Variants in CDADC1 observed in about 807,000 individuals in gnomAD.
CDADC1 encodes cytidine and dCMP deaminase domain containing 1, also known as dCTP deaminase.
In CDADC1, 39 loss-of-function variants were observed where a neutral mutation model predicts 54.9. That is an observed-to-expected ratio of 0.71 (90% CI 0.55 to 0.93). CDADC1 has a LOEUF of 0.93. CDADC1 is among the 40% of genes least tolerant of loss of function. The pLI, the probability that CDADC1 is intolerant of heterozygous loss-of-function variation, is 0.00. For synonymous variants in CDADC1, 186 were observed against 204.0 expected, an observed-to-expected ratio of 0.91 and a Z score of 0.75; for missense variants, 518 against 618.8, an observed-to-expected ratio of 0.84 and a Z score of 1.73.
intron 6 of CDADC1, among the ~76,000 whole-genome samples, chr13:49,275,260 A>G (rs578233724): frequency 5.9e-5 from 9 of 151,612 alleles, no homozygotes; most frequent in Middle Eastern, 3.4e-3. Flanking sequence ...TCATTTTTGT[A>G]TTTTTAGTAG....
Position 49,292,302 on chromosome 13 carries a change from T to C in CDADC1, c.*545T>C. ...TCATAAAAATAAAGTTAGTGGACTT[T>C]GTCTCCATTTTTAAAGTATATTTTG... is the stretch of plus-strand genomic sequence containing the variant. On this transcript the variant is annotated 3_prime_UTR_variant, in exon 10 of 10. Coordinates refer to ENST00000251108, the MANE Select transcript of CDADC1 (RefSeq NM_030911.4). 3 of 980,088 alleles carry C rather than the reference T, an allele frequency of 3.1e-6. No individual in the cohort carries two copies. 60.7% of individuals were successfully genotyped at this position (980,088 alleles called of 1,614,324 possible). A position where few individuals can be genotyped will look rare whatever the true frequency, so the allele number is the denominator to read the frequency against.
rs748299879 is a variant in CDADC1 at position 49,280,559 on chromosome 13, GC to G, written c.1274del (p.Pro425HisfsTer8). The part of the protein sequence containing the change: ...EERSMIFVTK[C>X]PCDECVPLIK... Reference sequence around the variant, plus strand: ...AGAAGCATGATTTTTGTGACAAAGTGCCCATGTGATGAGTGTGTACCTTTAA... The same window carrying G: ...AGAAGCATGATTTTTGTGACAAAGTGCCATGTGATGAGTGTGTACCTTTAA... On this transcript the variant is annotated frameshift_variant, in exon 8 of 10. Transcript: ENST00000251108. LOFTEE classifies it high-confidence loss of function. The G allele has an allele frequency of 1.3e-5, 20 of 1,489,792 alleles. No homozygotes were observed. The South Asian group carries it at 2.7e-4, about 20-fold the overall frequency. The allele number at this position is 1,489,792 out of a possible 1,614,324, so 92.3% of individuals were successfully genotyped here.
At chr13:49,255,732 A>G (rs1270836048) in intron 2 of CDADC1, 107 bp from the exon 3 acceptor site, 19 of 1,394,658 alleles carry the variant, frequency 1.4e-5, no homozygotes, top group Non-Finnish European at 1.9e-5. Flanking sequence ...ATCATGGAAA[A>G]AAAAATGGTC....
At position 49,265,683 on chromosome 13, in the gene CDADC1, A is replaced by G. The variant is rs529881725; in HGVS notation, c.431-1807A>G. Among the ~76,000 whole-genome samples the G allele has an allele frequency of 1.4e-4, 21 of 151,288 alleles. No individual in the cohort carries two copies. The South Asian group carries it at 4.4e-3, about 31-fold the overall frequency. ...TTTTTAATGAATTAATAAATATTTT[A>G]AATTTTGTTTTAATTTTCAAGTACA... On this transcript the variant is annotated intron_variant, in intron 4 of 9. Coordinates refer to ENST00000251108, the MANE Select transcript of CDADC1 (RefSeq NM_030911.4).
intron 4 of CDADC1, among the ~76,000 whole-genome samples, chr13:49,262,047 A>G (rs9535179): frequency 0.13 from 19,459 of 152,248 alleles, 1,658 homozygotes; most frequent in East Asian, 0.35. Flanking sequence ...TAGAATTGCT[A>G]TTACCTCAGT....
intron 4 of CDADC1, chr13:49,265,882 T>G: frequency 7.7e-7 from 1 of 1,302,282 alleles, no homozygotes; most frequent in Non-Finnish European, 1.0e-6. Context: ...GAATCAGGAT[T>G]ACTGGAAGCA....
intron 3 of CDADC1, 40 bp downstream of exon 3, chr13:49,255,953 C>G: frequency 6.3e-7 from 1 of 1,590,792 alleles, no homozygotes; most frequent in Non-Finnish European, 8.5e-7. Context: ...CTCATAATAA[C>G]AAAGCAAAAG....
chr13:49,254,589 G>T (rs1449506915), intron 2 of CDADC1, among the ~76,000 whole-genome samples: 2 of 152,048 alleles, frequency 1.3e-5, no homozygotes, highest in Admixed American at 6.6e-5. Flanking sequence ...TTTTAGTAGA[G>T]ACAGGGTTTC....
At chr13:49,270,545 T>C (rs1952941568) in intron 5 of CDADC1, among the ~76,000 whole-genome samples, 1 of 152,180 alleles carries the variant, frequency 6.6e-6, no homozygotes, top group Non-Finnish European at 1.5e-5. Context: ...ATATGGTACA[T>C]ATACTGTTAT....
At chr13:49,266,859 A>G (rs757097289) in intron 4 of CDADC1, among the ~76,000 whole-genome samples, 3 of 152,190 alleles carry the variant, frequency 2.0e-5, no homozygotes, top group Non-Finnish European at 4.4e-5. Flanking sequence ...TGGAAGAGGT[A>G]TTTATTCCAG....
chr13:49,281,898 T>TTC (rs1180437245), intron 8 of CDADC1, among the ~76,000 whole-genome samples: 2 of 151,342 alleles, frequency 1.3e-5, no homozygotes, highest in African/African-American at 4.9e-5. Flanking sequence ...GTTCCAGCGA[T>TTC]TCTCCTGCCT....
intron 3 of CDADC1, among the ~76,000 whole-genome samples, chr13:49,258,407 C>T (rs945018190): frequency 6.6e-6 from 1 of 152,218 alleles, no homozygotes; most frequent in Admixed American, 6.5e-5. Flanking sequence ...ACAGCATAGA[C>T]TGTTTTGTGC....
chr13:49,278,294 T>C (rs2274149), intron 6 of CDADC1, 56 bp from the exon 7 acceptor site: 1 of 1,293,142 alleles, frequency 7.7e-7, no homozygotes, highest in Non-Finnish European at 1.0e-6. Flanking sequence ...AAAAATACAT[T>C]GCAAAGTGTC....
intron 9 of CDADC1, among the ~76,000 whole-genome samples, chr13:49,287,388 A>G (rs12872242): frequency 0.14 from 20,673 of 152,206 alleles, 1,698 homozygotes; most frequent in Admixed American, 0.22. Context: ...TCAAATAGAA[A>G]ATGTATTGTT....
In CDADC1 at chr13:49,255,895, A is replaced by G; in HGVS notation, c.234A>G (p.Val78=). 6.2e-7 allele frequency: 1 copy of G among 1,611,428 alleles called. No individual in the cohort carries two copies. Among genetic ancestry groups the G allele is most frequent in the Non-Finnish European group, 8.5e-7 (1 of 1,179,198 alleles). ...PLGDNEERTR[V]STDKRQVKRT... is the part of the protein sequence containing the mutation. Reference sequence around the variant, plus strand: ...GAGATAATGAAGAGAGGACCAGAGTATCTACTGACAAAAGACAGGTAAATT... The same window carrying G: ...GAGATAATGAAGAGAGGACCAGAGTGTCTACTGACAAAAGACAGGTAAATT... Residue 78 remains valine, a synonymous_variant, in exon 3 of 10, where the codon GTA becomes GTG. Transcript: ENST00000251108.
At chr13:49,265,769 T>G (rs1593811124) in intron 4 of CDADC1, 1 of 892,630 alleles carries the variant, frequency 1.1e-6, no homozygotes, top group East Asian at 7.7e-5. Flanking sequence ...CAATAATTTT[T>G]AAGAGTGTTA....
chr13:49,260,233 TAATGC>T (rs2138205380), intron 4 of CDADC1, among the ~76,000 whole-genome samples: 1 of 152,376 alleles, frequency 6.6e-6, no homozygotes, highest in Non-Finnish European at 1.5e-5. Flanking sequence ...ATGAGTAGAC[TAATGC>T]TAACTGCTAT....
At chr13:49,265,946 A>T (rs1473705533) in intron 4 of CDADC1, 7 of 1,302,436 alleles carry the variant, frequency 5.4e-6, no homozygotes, top group Non-Finnish European at 7.1e-6. Context: ...GAAATGGATT[A>T]TGAGAACTCG....
Position 49,259,431 on chromosome 13 carries a change from T to C in CDADC1, c.338T>C (p.Ile113Thr). 1 of 1,614,166 alleles carries C rather than the reference T, an allele frequency of 6.2e-7. No homozygotes were observed. The highest frequency in any genetic ancestry group is 8.5e-7 in the Non-Finnish European group (1 of 1,179,978). The change falls in exon 4 of 10, where the codon ATT (isoleucine) becomes ACT (threonine). Residue 113 changes from isoleucine to threonine, a missense_variant. Physicochemically the swap from Ile to Thr is moderately conservative, Grantham distance 89 (BLOSUM62 -1). Coordinates refer to ENST00000251108, the MANE Select transcript of CDADC1 (RefSeq NM_030911.4). ...AGTGAAGATTTACATGCCGGGCAGATTGCTCTTATTAAACATGGGTCAAGG... is the reference window on the plus strand; with the variant it reads ...AGTGAAGATTTACATGCCGGGCAGACTGCTCTTATTAAACATGGGTCAAGG... ...CSSEDLHAGQ[I>T]ALIKHGSRLK...
Sources: allele counts gnomAD v4.1 joint callset (sites outside exome capture counted in the v4.1 genomes callset), GRCh38; gene constraint gnomAD v4.1.1; transcripts MANE v1.5; gene names NCBI Gene and HGNC (gene_info 2026-07-23, HGNC 2026-07-21).